HSPBP1: variants seen among roughly 807,000 people sequenced by gnomAD.
The protein encoded by HSPBP1 is hsp70-binding protein 1.
A neutral mutation model predicts 41.7 loss-of-function variants in HSPBP1; 31 were observed. The observed-to-expected ratio is 0.74, with a 90% CI of 0.56 to 1.00. The LOEUF (loss-of-function observed/expected upper bound fraction) is 1.00, where lower values mean the gene tolerates loss of function less well. Among genes scored for constraint, HSPBP1 ranks in the 50% least tolerant of loss-of-function variants. HSPBP1 has a pLI of 0.00. For missense variants in HSPBP1, 439 were observed against 487.9 expected (o/e 0.90, Z 0.94); for synonymous variants, 199 against 214.4 (o/e 0.93, Z 0.63).
intron 4 of HSPBP1, among the ~76,000 whole-genome samples, chr19:55,273,060 G>A (rs1183929861): frequency 6.6e-6 from 1 of 152,134 alleles, no homozygotes; most frequent in Non-Finnish European, 1.5e-5. Context: ...TGCAATCATG[G>A]CTCACTGCAG....
rs1299218263 is a variant in HSPBP1, at chr19:55,262,756, C to G, written c.1006-74G>C. On this transcript the variant is annotated intron_variant, in intron 7 of 7. Coordinates refer to ENST00000433386, the MANE Select transcript of HSPBP1 (RefSeq NM_012267.5). ...ACCCTGCCTCCAGCATTCTTGGCAC[C>G]CAGAGGTGACTCCTCTTCTCTCCTG... 5.0e-6 allele frequency: 7 copies of G among 1,394,018 alleles called. No individual in the cohort carries two copies. In the East Asian group the frequency reaches 1.7e-4, roughly 34 times the overall value. 86.4% of individuals were successfully genotyped at this position (1,394,018 alleles called of 1,614,324 possible). A position where few individuals can be genotyped will look rare whatever the true frequency, so the allele number is the denominator to read the frequency against.
chr19:55,272,667 C>T lies in HSPBP1; in HGVS notation c.640+1731G>A, dbSNP rs1260471272. Among the ~76,000 whole-genome samples, 1 of 151,872 alleles carries T rather than the reference C, an allele frequency of 6.6e-6. No individual in the cohort carries two copies. Among genetic ancestry groups the T allele is most frequent in the African/African-American group, 2.4e-5 (1 of 41,370 alleles). On this transcript the variant is annotated intron_variant, in intron 4 of 7. Coordinates refer to ENST00000433386, the MANE Select transcript of HSPBP1 (RefSeq NM_012267.5). The surrounding 1 kb of genome is among the most constrained non-coding windows in gnomAD (Gnocchi z 4.2). Reference sequence around the variant, plus strand: ...ACCAGCCTGGCCAACAGGGTGAAACCCCGTCTCTACTAAAAATACAAAAAT... The same window carrying T: ...ACCAGCCTGGCCAACAGGGTGAAACTCCGTCTCTACTAAAAATACAAAAAT...
At chr19:55,265,746 C>T in intron 6 of HSPBP1, 140 bp downstream of exon 6, 1 of 624,818 alleles carries the variant, frequency 1.6e-6, no homozygotes, top group Non-Finnish European at 2.8e-6. Flanking sequence ...CTGACTCCTG[C>T]TCCTTTCTGG....
In HSPBP1 at chr19:55,262,506, G is replaced by A; in HGVS notation, c.*102C>T. The A allele has an allele frequency of 5.9e-6, 9 of 1,529,156 alleles. No individual in the cohort carries two copies. The South Asian group carries it at 9.9e-5, about 17-fold the overall frequency. The allele number at this position is 1,529,156 out of a possible 1,614,324, so 94.7% of individuals were successfully genotyped here. ...ACGGGCTGGCACACCCTGGGTCCAG[G>A]CACCTAGGCCCTGCGATCCCTTGGG... On this transcript the variant is annotated 3_prime_UTR_variant, in exon 8 of 8. Transcript: ENST00000433386.
rs11427517 is a variant in HSPBP1, at chr19:55,274,347, A to ACC, written c.640+49_640+50dup. The ACC allele has an allele frequency of 9.4e-3, 3,083 of 327,520 alleles. 25 individuals carry two copies. Among genetic ancestry groups the ACC allele is most frequent in the African/African-American group, 0.025 (983 of 38,814 alleles). 20.3% of individuals were successfully genotyped at this position (327,520 alleles called of 1,614,324 possible). On this transcript the variant is annotated intron_variant, in intron 4 of 7. Coordinates refer to ENST00000433386, the MANE Select transcript of HSPBP1 (RefSeq NM_012267.5). ...AGCAGATCCCGGGGGCCCACCCGGC[A>ACC]CCCCCCCCCACCGCCAGCACCCCTG...
intron 3 of HSPBP1, among the ~76,000 whole-genome samples, chr19:55,275,979 T>C (rs936155146): frequency 6.7e-6 from 1 of 148,964 alleles, no homozygotes; most frequent in African/African-American, 2.5e-5. Flanking sequence ...TTGCCAGGCC[T>C]GATGACATGC....
chr19:55,274,371 T>TGCCCCCCCCCCCCCCCCCC, intron 4 of HSPBP1, 27 bp downstream of exon 4: 1 of 106,204 alleles, frequency 9.4e-6, no homozygotes. Context: ...CCAGCACCCC[T>TGCCCCCCCCCCCCCCCCCC]GTCCCCAGCC....
At chr19:55,274,966 G>A (rs1159254498) in intron 3 of HSPBP1, among the ~76,000 whole-genome samples, 4 of 152,170 alleles carry the variant, frequency 2.6e-5, no homozygotes, top group Non-Finnish European at 4.4e-5. Flanking sequence ...CTCCAGAGCC[G>A]TGAGAAAATA....
Position 55,268,378 on chromosome 19 carries a change from C to T in HSPBP1, c.641-2092G>A, listed in dbSNP as rs112261661. Among the ~76,000 whole-genome samples the T allele has an allele frequency of 5.3e-3, 807 of 151,996 alleles. 6 individuals are homozygous for T. The highest frequency in any genetic ancestry group is 0.019 in the African/African-American group (775 of 41,464). ...CCGGGAGGTGGAGGTTGCAGTGAGCCGAGATTGCGCCATTACACTCCAGCC... is the reference window on the plus strand; with the variant it reads ...CCGGGAGGTGGAGGTTGCAGTGAGCTGAGATTGCGCCATTACACTCCAGCC... On this transcript the variant is annotated intron_variant, in intron 4 of 7. Coordinates refer to ENST00000433386, the MANE Select transcript of HSPBP1 (RefSeq NM_012267.5). This position sits in a 1 kb window ranked among gnomAD's most constrained non-coding sequence, Gnocchi z 4.5.
chr19:55,270,314 G>GC lies in HSPBP1; in HGVS notation c.641-4029dup, dbSNP rs1734782375. On this transcript the variant is annotated intron_variant, in intron 4 of 7. Transcript: ENST00000433386. This position sits in a 1 kb window ranked among gnomAD's most constrained non-coding sequence, Gnocchi z 5.4. ...GCCAACTGCCAGCAAAACTCTGCTA[G>GC]CCCCGGGGCGAGCCATGGTGGAAGC... Among the ~76,000 whole-genome samples the GC allele has an allele frequency of 6.6e-6, 1 of 152,200 alleles. No homozygotes were observed. Among genetic ancestry groups the GC allele is most frequent in the African/African-American group, 2.4e-5 (1 of 41,456 alleles).
At position 55,263,750 on chromosome 19, in the gene HSPBP1, G is replaced by A. The variant is rs934388580; in HGVS notation, c.1006-1068C>T. Among the ~76,000 whole-genome samples the A allele has an allele frequency of 7.9e-5, 12 of 152,238 alleles. No individual in the cohort carries two copies. The South Asian group carries it at 1.2e-3, about 16-fold the overall frequency. ...GGAGAATTCACATGCACCTTTGCTC[G>A]TGTGTACCTAATATTTTAAGAAGGA... On this transcript the variant is annotated intron_variant, in intron 7 of 7. Transcript: ENST00000433386.
At chr19:55,277,940 GATGT>G in intron 2 of HSPBP1, 94 bp from the exon 3 acceptor site, 2 of 1,041,272 alleles carry the variant, frequency 1.9e-6, no homozygotes, top group Non-Finnish European at 2.7e-6. Flanking sequence ...ACTGAGGGCT[GATGT>G]TCCTTCAGTC....
intron 4 of HSPBP1, among the ~76,000 whole-genome samples, chr19:55,274,196 T>C (rs2087999173): frequency 6.6e-6 from 1 of 152,286 alleles, no homozygotes; most frequent in East Asian, 1.9e-4. Flanking sequence ...AGTGGTCACA[T>C]CTGCTGCCTG....
At chr19:55,267,202 T>C (rs1220124955) in intron 4 of HSPBP1, among the ~76,000 whole-genome samples, 2 of 152,116 alleles carry the variant, frequency 1.3e-5, no homozygotes, top group African/African-American at 4.8e-5. Flanking sequence ...CAGGCTGGAG[T>C]GTGCAGTGGA....
chr19:55,265,289 C>G lies in HSPBP1; in HGVS notation c.994G>C (p.Glu332Gln), dbSNP rs752259211. ...RHRCQLLQQH[E>Q]EYQEELEFCE... ...CCCTCCCCATGTACCTGGTACTCCT[C>G]ATGCTGCTGCAGCAGCTGACAGCGG... is the stretch of plus-strand genomic sequence containing the variant. Residue 332 changes from glutamate to glutamine, a missense_variant, in exon 7 of 8, where the codon GAG (glutamate) becomes CAG (glutamine). By Grantham distance (29) the Glu-to-Gln change is conservative. Coordinates refer to ENST00000433386, the MANE Select transcript of HSPBP1 (RefSeq NM_012267.5). 1.2e-6 allele frequency: 2 copies of G among 1,611,138 alleles called. No individual in the cohort carries two copies. The highest frequency in any genetic ancestry group is 2.2e-5 in the East Asian group (1 of 44,734).
chr19:55,277,522 C>G (rs1247586472), intron 3 of HSPBP1, 120 bp downstream of exon 3: 1 of 1,030,026 alleles, frequency 9.7e-7, no homozygotes, highest in Non-Finnish European at 1.5e-6. Context: ...GGCGAACAGG[C>G]TGATGGTGAG....
In HSPBP1 at chr19:55,279,634, T is replaced by C. The variant is rs761137997; in HGVS notation, c.-26A>G. 5.8e-6 allele frequency: 9 copies of C among 1,560,542 alleles called. No individual in the cohort carries two copies. The African/African-American group carries it at 9.5e-5, about 16-fold the overall frequency. ...GGGCCGTTTGTGAAGAAGGGAAGAA[T>C]GTGTTAGAGGGAGAAGGTGGTCACC... On this transcript the variant is annotated 5_prime_UTR_variant, in exon 2 of 8. Transcript: ENST00000433386.
chr19:55,265,315 T>C lies in HSPBP1; in HGVS notation c.968A>G (p.His323Arg). 1 of 1,595,942 alleles carries C rather than the reference T, an allele frequency of 6.3e-7. No homozygotes were observed. Among genetic ancestry groups the C allele is most frequent in the Non-Finnish European group, 8.5e-7 (1 of 1,169,964 alleles). Residue 323 changes from histidine to arginine, a missense_variant, in exon 7 of 8, where the codon CAC becomes CGC. Physicochemically the swap from His to Arg is conservative, Grantham distance 29. Coordinates refer to ENST00000433386, the MANE Select transcript of HSPBP1 (RefSeq NM_012267.5). ...PELGLEELLR[H>R]RCQLLQQHEE... ...ATGCTGCTGCAGCAGCTGACAGCGGTGGCGGAGGAGCTCCTCCAGGCCCAG... is the reference window on the plus strand; with the variant it reads ...ATGCTGCTGCAGCAGCTGACAGCGGCGGCGGAGGAGCTCCTCCAGGCCCAG...
chr19:55,279,486 G>C lies in HSPBP1; in HGVS notation c.123C>G (p.Pro41=). ...SSAGGSGNSR[P]PRNLQGLLQM... ...GCAGCAAGCCTTGGAGGTTGCGTGGGGGCCGGGAATTGCCCGAGCCCCCAG... is the reference window on the plus strand; with the variant it reads ...GCAGCAAGCCTTGGAGGTTGCGTGGCGGCCGGGAATTGCCCGAGCCCCCAG... The change falls in exon 2 of 8, where the codon CCC becomes CCG. Residue 41 remains proline (P), a synonymous_variant. Coordinates refer to ENST00000433386, the MANE Select transcript of HSPBP1 (RefSeq NM_012267.5). 6.2e-7 allele frequency: 1 copy of C among 1,606,338 alleles called. No homozygotes were observed. The highest frequency in any genetic ancestry group is 8.5e-7 in the Non-Finnish European group (1 of 1,178,468).
Sources: gnomAD v4.1 joint callset for allele counts (sites outside exome capture counted in the v4.1 genomes callset) on GRCh38, gnomAD v4.1.1 for gene constraint, Gnocchi (gnomAD v3.1) non-coding constraint, MANE v1.5 for transcripts, NCBI Gene and HGNC (gene_info 2026-07-23, HGNC 2026-07-21) for gene names.